The following LEMD1 variants were observed in gnomAD, a reference collection of about 807,000 sequenced individuals.
LEMD1 encodes the protein LEM domain-containing protein 1.
LEMD1 carries 18 observed loss-of-function variants against 17.4 expected under a neutral mutation model. That is an observed-to-expected ratio of 1.04 (90% CI 0.72 to 1.54). The LOEUF (loss-of-function observed/expected upper bound fraction) is 1.54. LEMD1 is among the 40% of genes most tolerant of loss of function. The pLI, the probability that LEMD1 is intolerant of heterozygous loss-of-function variation, is 0.00. For synonymous variants in LEMD1, 88 were observed against 77.8 expected (o/e 1.13, Z -0.69); for missense variants, 195 against 210.4 (o/e 0.93, Z 0.45).
At chr1:205,395,136 A>C (rs1409214934) in intron 4 of LEMD1, among the ~76,000 whole-genome samples, 1 of 152,210 alleles carries the variant, frequency 6.6e-6, no homozygotes, top group African/African-American at 2.4e-5. Flanking sequence ...GAGGTCAAAA[A>C]AACATGATGT....
At chr1:205,438,799 C>T (rs1666248198) in intron 1 of LEMD1, among the ~76,000 whole-genome samples, 1 of 152,030 alleles carries the variant, frequency 6.6e-6, no homozygotes, top group Non-Finnish European at 1.5e-5. Context: ...ATCTAGTATC[C>T]CTCTGGAGCC....
upstream of LEMD1, among the ~76,000 whole-genome samples, chr1:205,424,023 A>G (rs1666025561): frequency 6.6e-6 from 1 of 152,232 alleles, no homozygotes; most frequent in Non-Finnish European, 1.5e-5. Context: ...CGTGGGGCAC[A>G]ATTTCCTCTC....
chr1:205,430,707 C>G (rs11240482), intron 1 of LEMD1, among the ~76,000 whole-genome samples: 1 of 152,002 alleles, frequency 6.6e-6, no homozygotes, highest in Non-Finnish European at 1.5e-5. Context: ...GCCCCAGGAG[C>G]TTCCCACTCA....
At chr1:205,422,273 A>G (rs928121757), upstream of LEMD1, among the ~76,000 whole-genome samples, 2 of 152,200 alleles carry the variant, frequency 1.3e-5, no homozygotes, top group African/African-American at 4.8e-5. Context: ...ATCATTATGC[A>G]CAGCAAGTAA....
chr1:205,438,392 C>T (rs1666240414), intron 1 of LEMD1, among the ~76,000 whole-genome samples: 1 of 152,198 alleles, frequency 6.6e-6, no homozygotes, highest in African/African-American at 2.4e-5. Flanking sequence ...GCAGCCAGGC[C>T]AACCCTAGAA....
chr1:205,448,225 A>T lies in LEMD1; in HGVS notation c.-39+1643T>A. On this transcript the variant is annotated intron_variant, in intron 1 of 3. Coordinates refer to the LEMD1 transcript ENST00000367154. The surrounding 1 kb of genome is among the most constrained non-coding windows in gnomAD (Gnocchi z 4.7). ...CAGATCCCGTGATGCCCCACCCCCA[A>T]GCAAAGCCTCCTTCTGGTGCCCCTT... 1 of 479,446 alleles carries T rather than the reference A, an allele frequency of 2.1e-6. No individual in the cohort carries two copies. The highest frequency in any genetic ancestry group is 2.2e-5 in the Admixed American group (1 of 46,204). 29.7% of individuals were successfully genotyped at this position (479,446 alleles called of 1,614,324 possible).
chr1:205,446,706 G>A (rs1296559895), intron 1 of LEMD1, among the ~76,000 whole-genome samples: 1 of 152,190 alleles, frequency 6.6e-6, no homozygotes, highest in African/African-American at 2.4e-5. Context: ...GGCTCACTGT[G>A]GGCCCAGGGC....
In LEMD1 at chr1:205,421,313, G is replaced by T. The variant is rs75059273; in HGVS notation, c.-39+677C>A. 2.5e-3 allele frequency among the ~76,000 whole-genome samples: 374 copies of T among 152,122 alleles called. 1 individual carries two copies. Among genetic ancestry groups the T allele is most frequent in the African/African-American group, 8.6e-3 (355 of 41,506 alleles). On this transcript the variant is annotated intron_variant, in intron 1 of 5. Coordinates refer to ENST00000367153, the MANE Select transcript of LEMD1 (RefSeq NM_001199050.2). ...CCCTTCTACCTACATAACAAAATCC[G>T]CAAAAAGACAGACCCATTTGTCAAA...
At chr1:205,408,328 T>TACACACACAC (rs34904075) in intron 4 of LEMD1, among the ~76,000 whole-genome samples, 1 of 148,880 alleles carries the variant, frequency 6.7e-6, no homozygotes, top group African/African-American at 2.5e-5. Context: ...AATGGTAGGG[T>TACACACACAC]ACACACACAC....
chr1:205,382,863 G>A (rs1488270650), intron 5 of LEMD1, among the ~76,000 whole-genome samples: 6 of 152,266 alleles, frequency 3.9e-5, no homozygotes, highest in Admixed American at 3.9e-4. Flanking sequence ...AAAGGCAAGA[G>A]TACTTTCTGA....
chr1:205,437,051 A>G (rs1666221451), intron 1 of LEMD1: 1 of 152,660 alleles, frequency 6.6e-6, no homozygotes, highest in African/African-American at 2.4e-5. Context: ...CCATCCAGAA[A>G]CAATCACCAG....
chr1:205,390,093 G>A (rs573466039), intron 4 of LEMD1, among the ~76,000 whole-genome samples: 36 of 152,264 alleles, frequency 2.4e-4, no homozygotes, highest in South Asian at 8.3e-4. Context: ...GGTGGCTCAC[G>A]CCTGTAATTG....
chr1:205,387,985 C>T (rs1023062754), intron 4 of LEMD1, among the ~76,000 whole-genome samples: 1 of 152,172 alleles, frequency 6.6e-6, no homozygotes, highest in African/African-American at 2.4e-5. Flanking sequence ...TTTTATTGTG[C>T]CCATTTTACA....
intron 5 of LEMD1, among the ~76,000 whole-genome samples, chr1:205,383,100 T>G (rs540565777): frequency 6.6e-6 from 1 of 152,194 alleles, no homozygotes; most frequent in Non-Finnish European, 1.5e-5. Flanking sequence ...TACATACATA[T>G]TTTTTTGAGA....
chr1:205,386,397 A>C (rs1664024069), intron 4 of LEMD1: 1 of 148,204 alleles, frequency 6.7e-6, no homozygotes, highest in Admixed American at 6.8e-5. Flanking sequence ...TGCGCCTCCC[A>C]GGTTCACGCC....
chr1:205,416,410 G>T (rs760344424), intron 3 of LEMD1, 114 bp from the exon 4 acceptor site: 10 of 717,272 alleles, frequency 1.4e-5, no homozygotes, highest in Non-Finnish European at 2.1e-5. Flanking sequence ...TTTTGCAAGG[G>T]GATGAAAATT....
At chr1:205,422,526 A>G (rs1453583638), upstream of LEMD1, among the ~76,000 whole-genome samples, 2 of 152,204 alleles carry the variant, frequency 1.3e-5, no homozygotes, top group Non-Finnish European at 2.9e-5. Context: ...CAGAAGTTTG[A>G]TGGATTTGGC....
At chr1:205,399,144 G>A (rs927020543) in intron 4 of LEMD1, among the ~76,000 whole-genome samples, 8 of 151,860 alleles carry the variant, frequency 5.3e-5, no homozygotes, top group African/African-American at 1.9e-4. Flanking sequence ...GAATCCAGGA[G>A]GTGGAGATTG....
chr1:205,397,439 T>A (rs1664644239), intron 4 of LEMD1, among the ~76,000 whole-genome samples: 1 of 152,046 alleles, frequency 6.6e-6, no homozygotes, highest in Non-Finnish European at 1.5e-5. Context: ...CAAGACCTCA[T>A]CTCCACAAAA....
Sources: gnomAD v4.1 joint callset for allele counts (sites outside exome capture counted in the v4.1 genomes callset) on GRCh38, gnomAD v4.1.1 for gene constraint, Gnocchi (gnomAD v3.1) non-coding constraint, MANE v1.5 for transcripts, NCBI Gene and HGNC (gene_info 2026-07-23, HGNC 2026-07-21) for gene names.